The following LARP1B variants were observed in gnomAD, a reference collection of about 807,000 sequenced individuals.
LARP1B encodes la-related protein 1B.
A neutral mutation model predicts 114.2 loss-of-function variants in LARP1B; 76 were observed. The ratio of observed to expected loss-of-function variants is 0.67; its 90% CI spans 0.55 to 0.81. The LOEUF is 0.81. Among genes scored for constraint, LARP1B ranks in the 30% least tolerant of loss-of-function variants. The pLI is 0.00. For synonymous variants in LARP1B, 345 were observed against 348.0 expected (o/e 0.99, Z 0.10); for missense variants, 1,014 against 1,075.8 (o/e 0.94, Z 0.80).
At position 128,166,962 on chromosome 4, in the gene LARP1B, C is replaced by A. The variant is rs866150948; in HGVS notation, c.1648+4645C>A. On this transcript the variant is annotated intron_variant, in intron 12 of 19. Coordinates refer to ENST00000326639, the MANE Select transcript of LARP1B (RefSeq NM_018078.4). ...TCTCTCTCTCTCTCTCTCTCTCTCT[C>A]TCTCTCTCTATATATATATATATAT... Among the ~76,000 whole-genome samples, 730 of 101,702 alleles carry A rather than the reference C, an allele frequency of 7.2e-3. 2 individuals are homozygous for A. Among genetic ancestry groups the A allele is most frequent in the Non-Finnish European group, 9.6e-3 (486 of 50,472 alleles). The allele number at this position is 101,702 out of a possible 152,430, so 66.7% of individuals were successfully genotyped here. A position where few individuals can be genotyped will look rare whatever the true frequency, so the allele number is the denominator to read the frequency against.
At chr4:128,189,598 C>A in intron 15 of LARP1B, among the ~76,000 whole-genome samples, 1 of 152,006 alleles carries the variant, frequency 6.6e-6, no homozygotes, top group East Asian at 1.9e-4. Context: ...TAACTCCTCC[C>A]TTACTTCCTT....
In LARP1B at chr4:128,196,705, A is replaced by G. The variant is rs943238914; in HGVS notation, c.2004-2734A>G. Reference sequence around the variant, plus strand: ...TACCAGCTATACCACTCTTAGTTATATATCAAAAGTATTGAAAACACATAT... The same window carrying G: ...TACCAGCTATACCACTCTTAGTTATGTATCAAAAGTATTGAAAACACATAT... On this transcript the variant is annotated intron_variant, in intron 15 of 19. Coordinates refer to ENST00000326639, the MANE Select transcript of LARP1B (RefSeq NM_018078.4). Among the ~76,000 whole-genome samples the G allele has an allele frequency of 4.6e-5, 7 of 151,918 alleles. 1 individual carries two copies. In the South Asian group the frequency reaches 1.2e-3, roughly 27 times the overall value.
chr4:128,130,189 A>T lies in LARP1B; in HGVS notation c.1524+8001A>T, dbSNP rs1339997337. On this transcript the variant is annotated intron_variant, in intron 11 of 19. Coordinates refer to ENST00000326639, the MANE Select transcript of LARP1B (RefSeq NM_018078.4). ...GCAACATAGTGAGACTGTCTCTACG[A>T]AAAATTTTTTTAAAAAAGGAGAGAA... Among the ~76,000 whole-genome samples the T allele has an allele frequency of 3.3e-5, 5 of 152,154 alleles. No individual in the cohort carries two copies. The East Asian group carries it at 9.6e-4, about 29-fold the overall frequency.
At chr4:128,173,257 T>C (rs1310541608) in intron 12 of LARP1B, among the ~76,000 whole-genome samples, 1 of 152,144 alleles carries the variant, frequency 6.6e-6, no homozygotes, top group Non-Finnish European at 1.5e-5. Context: ...GTCATTTACA[T>C]ATGGCCTCTC....
chr4:128,217,696 G>A (rs1280728231), intron 6 of LARP1B, among the ~76,000 whole-genome samples: 10 of 32,140 alleles, frequency 3.1e-4, no homozygotes, highest in African/African-American at 1.4e-3. Flanking sequence ...CATACTGAAT[G>A]GGCAAAAACT....
chr4:128,114,660 T>C lies in LARP1B; in HGVS notation c.1079T>C (p.Leu360Ser). 1.9e-6 allele frequency: 3 copies of C among 1,614,042 alleles called. No homozygotes were observed. The highest frequency in any genetic ancestry group is 1.7e-6 in the Non-Finnish European group (2 of 1,179,906). ...TSILQAMSRGLSTSLPDLDSE... is the reference protein window; with the variant it reads ...TSILQAMSRGSSTSLPDLDSE... ...ATTCTTCAAGCAATGTCTAGAGGTT[T>C]GTCTACCAGTTTGCCTGACTTGGAC... The change falls in exon 10 of 20, where the codon TTG becomes TCG. Residue 360 changes from leucine (L) to serine (S), a missense_variant. By Grantham distance (145) the Leu-to-Ser change is moderately radical. Coordinates refer to ENST00000326639, the MANE Select transcript of LARP1B (RefSeq NM_018078.4).
At position 128,128,637 on chromosome 4, in the gene LARP1B, C is replaced by T. The variant is rs560062142; in HGVS notation, c.1524+6449C>T. Reference sequence around the variant, plus strand: ...CCCTGCATTGCAAGAAAATATACCACGTATTGCTGGCCTGGGAGAATTTAA... The same window carrying T: ...CCCTGCATTGCAAGAAAATATACCATGTATTGCTGGCCTGGGAGAATTTAA... On this transcript the variant is annotated intron_variant, in intron 11 of 19. Coordinates refer to ENST00000326639, the MANE Select transcript of LARP1B (RefSeq NM_018078.4). 4.6e-5 allele frequency among the ~76,000 whole-genome samples: 7 copies of T among 152,262 alleles called. No individual in the cohort carries two copies. In the South Asian group the frequency reaches 1.0e-3, roughly 23 times the overall value.
At chr4:128,061,760 A>G (rs1052507780) in intron 1 of LARP1B, 2 of 984,816 alleles carry the variant, frequency 2.0e-6, no homozygotes, top group Non-Finnish European at 2.4e-6. Flanking sequence ...GACTGCTGAG[A>G]GGGAGTCGCT....
chr4:128,060,799 T>A (rs530925380), upstream of LARP1B, among the ~76,000 whole-genome samples: 15 of 152,194 alleles, frequency 9.9e-5, no homozygotes, highest in South Asian at 2.9e-3. Flanking sequence ...AACTTTCACC[T>A]GGGGGAGGCG....
intron 11 of LARP1B, among the ~76,000 whole-genome samples, chr4:128,128,402 T>G (rs1790351861): frequency 6.6e-6 from 1 of 152,218 alleles, no homozygotes; most frequent in Admixed American, 6.5e-5. Flanking sequence ...GAAAATACAC[T>G]GTTAAACTGA....
intron 11 of LARP1B, among the ~76,000 whole-genome samples, chr4:128,153,921 C>G (rs1309628366): frequency 6.6e-6 from 1 of 152,176 alleles, no homozygotes; most frequent in African/African-American, 2.4e-5. Context: ...AATCCCCATC[C>G]ACTTATCGTA....
At chr4:128,137,791 AT>A (rs758032661) in intron 11 of LARP1B, among the ~76,000 whole-genome samples, 1,749 of 63,498 alleles carry the variant, frequency 0.028, 17 homozygotes, top group Middle Eastern at 0.079. Flanking sequence ...ATATATATAT[AT>A]TTTTTTTTTA....
At chr4:128,082,105 A>G (rs978853238) in intron 4 of LARP1B, 60 bp from the exon 5 acceptor site, 15 of 1,504,808 alleles carry the variant, frequency 1.0e-5, no homozygotes, top group African/African-American at 7.0e-5. Flanking sequence ...AGTGCTTTCA[A>G]ATTGCAAGGG....
At chr4:128,179,923 C>T (rs960088439) in intron 15 of LARP1B, among the ~76,000 whole-genome samples, 1 of 151,686 alleles carries the variant, frequency 6.6e-6, no homozygotes, top group African/African-American at 2.4e-5. Context: ...CTTTTTTCCC[C>T]CTTTTTTGAA....
Position 128,082,313 on chromosome 4 carries a change from A to G in LARP1B, c.358+8A>G. 6.2e-7 allele frequency: 1 copy of G among 1,612,890 alleles called. No individual in the cohort carries two copies. Among genetic ancestry groups the G allele is most frequent in the Non-Finnish European group, 8.5e-7 (1 of 1,179,040 alleles). On this transcript the variant is annotated splice_region_variant and intron_variant, in intron 5 of 19. Transcript: ENST00000326639. ...GGAGAAATGATACACGAAGTAAGTTACCATTCTAAGACAAAAATGACTAAG... is the reference window on the plus strand; with the variant it reads ...GGAGAAATGATACACGAAGTAAGTTGCCATTCTAAGACAAAAATGACTAAG...
At chr4:128,122,469 G>GT in intron 11 of LARP1B, 2 of 1,241,924 alleles carry the variant, frequency 1.6e-6, no homozygotes, top group East Asian at 3.4e-5. Flanking sequence ...GTTTTTTTTT[G>GT]TTTTTGTTTT....
At chr4:128,082,033 G>A in intron 4 of LARP1B, 132 bp from the exon 5 acceptor site, 3 of 871,038 alleles carry the variant, frequency 3.4e-6, no homozygotes, top group Non-Finnish European at 5.3e-6. Flanking sequence ...ACCGTGTCTG[G>A]CCTCTTTACA....
At chr4:128,065,568 C>T (rs1579649124) in intron 1 of LARP1B, among the ~76,000 whole-genome samples, 1 of 151,744 alleles carries the variant, frequency 6.6e-6, no homozygotes, top group Admixed American at 6.6e-5. Context: ...AGTTAAATAA[C>T]TTAGGTAACT....
chr4:128,073,571 C>G (rs1173935218), intron 1 of LARP1B, among the ~76,000 whole-genome samples: 4 of 49,164 alleles, frequency 8.1e-5, no homozygotes, highest in African/African-American at 2.6e-4. Flanking sequence ...ATATTGTTGT[C>G]GTTTTTTTTT....
Sources: allele counts gnomAD v4.1 joint callset (sites outside exome capture counted in the v4.1 genomes callset), GRCh38; gene constraint gnomAD v4.1.1; transcripts MANE v1.5; gene names NCBI Gene and HGNC (gene_info 2026-07-23, HGNC 2026-07-21).